MYO5A: variants seen among roughly 807,000 people sequenced by gnomAD.
The protein encoded by MYO5A is unconventional myosin-Va.
MYO5A carries 98 observed loss-of-function variants against 249.7 expected under a neutral mutation model. The observed-to-expected ratio is 0.39, with a 90% confidence interval of 0.33 to 0.46. MYO5A has a LOEUF of 0.46. MYO5A is among the 20% of genes least tolerant of loss of function. The pLI, the probability that MYO5A is intolerant of heterozygous loss-of-function variation, is 0.98. For missense variants in MYO5A, 1,696 were observed against 2,308.8 expected (o/e 0.73, Z 5.44); for synonymous variants, 778 against 810.6 (o/e 0.96, Z 0.68).
chr15:52,388,579 C>T (rs975785684), intron 13 of MYO5A, among the ~76,000 whole-genome samples: 1 of 152,152 alleles, frequency 6.6e-6, no homozygotes, highest in African/African-American at 2.4e-5. Context: ...AAAGGAGACC[C>T]TGTGAAACTT....
chr15:52,464,053 C>T (rs968839248), intron 1 of MYO5A, among the ~76,000 whole-genome samples: 1 of 152,230 alleles, frequency 6.6e-6, no homozygotes, highest in Admixed American at 6.5e-5. Context: ...AATTACCCAA[C>T]TTTCTTCCTC....
chr15:52,336,643 A>G, intron 33 of MYO5A, 87 bp from the exon 34 acceptor site: 1 of 1,024,682 alleles, frequency 9.8e-7, no homozygotes, highest in Non-Finnish European at 1.5e-6. Flanking sequence ...ATATCACAGA[A>G]ACAACACGTT....
intron 4 of MYO5A, among the ~76,000 whole-genome samples, chr15:52,422,737 G>C (rs536679892): frequency 1.3e-5 from 2 of 152,046 alleles, no homozygotes; most frequent in Admixed American, 6.6e-5. Flanking sequence ...TGTTTTTGTA[G>C]ATAGGGTCTT....
At chr15:52,480,289 C>T (rs2076688885) in intron 1 of MYO5A, among the ~76,000 whole-genome samples, 1 of 152,182 alleles carries the variant, frequency 6.6e-6, no homozygotes, top group African/African-American at 2.4e-5. Flanking sequence ...TTAACTACAC[C>T]ATCTACAATT....
intron 1 of MYO5A, among the ~76,000 whole-genome samples, chr15:52,463,687 C>T (rs1204719801): frequency 6.6e-6 from 1 of 152,158 alleles, no homozygotes; most frequent in Non-Finnish European, 1.5e-5. Context: ...GTATCAAAAG[C>T]ACTTCCTTTT....
At chr15:52,407,250 A>G in intron 8 of MYO5A, 42 bp downstream of exon 8, 1 of 1,441,752 alleles carries the variant, frequency 6.9e-7, no homozygotes, top group Non-Finnish European at 9.8e-7. Context: ...CTTGAGTAAA[A>G]AAGCTATTCC....
intron 1 of MYO5A, among the ~76,000 whole-genome samples, chr15:52,521,559 A>G (rs955077477): frequency 3.3e-5 from 5 of 152,206 alleles, no homozygotes; most frequent in Admixed American, 6.5e-5. Flanking sequence ...AGGTAGATAC[A>G]TGGTCCTCAT....
intron 21 of MYO5A, among the ~76,000 whole-genome samples, chr15:52,371,244 G>A (rs2041097318): frequency 6.6e-6 from 1 of 151,812 alleles, no homozygotes; most frequent in Admixed American, 6.6e-5. Flanking sequence ...TCTGATCCCT[G>A]TTTTGCTTTG....
chr15:52,336,368 A>C, intron 34 of MYO5A, 95 bp downstream of exon 34: 1 of 784,352 alleles, frequency 1.3e-6, no homozygotes, highest in Non-Finnish European at 2.2e-6. Context: ...TAATATTTGC[A>C]TGCAAACCTC....
intron 1 of MYO5A, among the ~76,000 whole-genome samples, chr15:52,509,472 G>T (rs1045655957): frequency 3.3e-5 from 5 of 152,166 alleles, no homozygotes; most frequent in Non-Finnish European, 7.3e-5. Flanking sequence ...ATGACAGCAT[G>T]ATCAGCTGAC....
chr15:52,516,543 C>G (rs1226732984), intron 1 of MYO5A, among the ~76,000 whole-genome samples: 1 of 152,242 alleles, frequency 6.6e-6, no homozygotes, highest in Non-Finnish European at 1.5e-5. Context: ...TTGCCCAGGT[C>G]TGTGGCTACT....
chr15:52,357,623 G>A (rs775020921), intron 25 of MYO5A, among the ~76,000 whole-genome samples: 2 of 152,102 alleles, frequency 1.3e-5, no homozygotes, highest in Admixed American at 1.3e-4. Context: ...AAAATGACTC[G>A]AGGCATAAAG....
At chr15:52,407,741 AT>A (rs987353148) in intron 7 of MYO5A, among the ~76,000 whole-genome samples, 30 of 150,020 alleles carry the variant, frequency 2.0e-4, no homozygotes, top group African/African-American at 5.9e-4. Flanking sequence ...AACTCCTTTA[AT>A]TTTTTTTTTC....
In MYO5A at chr15:52,313,759, G is replaced by A; in HGVS notation, c.5580C>T (p.Ser1860=). 6.2e-7 allele frequency: 1 copy of A among 1,614,126 alleles called. No homozygotes were observed. Among genetic ancestry groups the A allele is most frequent in the Non-Finnish European group, 8.5e-7 (1 of 1,180,030 alleles). ...FPVTFPFNPS[S]LALETIQIPA... ...GAATCTGGATGGTTTCTAGTGCGAG[G>A]GAAGATGGGTTGAAAGGAAAGGTGA... The change falls in exon 42 of 42, where the codon TCC becomes TCT. Residue 1860 remains serine, a synonymous_variant. Coordinates refer to ENST00000399233, the MANE Select transcript of MYO5A (RefSeq NM_001382347.1).
chr15:52,519,105 A>C (rs1452074708), intron 1 of MYO5A, among the ~76,000 whole-genome samples: 1 of 152,218 alleles, frequency 6.6e-6, no homozygotes, highest in Non-Finnish European at 1.5e-5. Context: ...ACTAGACATG[A>C]ACAAGGAATG....
rs1438695852 is a variant in MYO5A at position 52,360,193 on chromosome 15, T to C, written c.3310-112A>G. ...ATCCCTACTTCCTGACTTGTATTGG[T>C]GCCCAAGTGATTTGTTCCATATTGT... On this transcript the variant is annotated intron_variant, in intron 24 of 41. Coordinates refer to ENST00000399233, the MANE Select transcript of MYO5A (RefSeq NM_001382347.1). 4.0e-6 allele frequency: 3 copies of C among 744,964 alleles called. No homozygotes were observed. The Admixed American group carries it at 6.0e-5, about 15-fold the overall frequency. 46.1% of individuals were successfully genotyped at this position (744,964 alleles called of 1,614,324 possible). A position where few individuals can be genotyped will look rare whatever the true frequency, so the allele number is the denominator to read the frequency against.
intron 5 of MYO5A, among the ~76,000 whole-genome samples, chr15:52,415,568 C>T (rs183038870): frequency 1.6e-3 from 233 of 144,790 alleles, no homozygotes; most frequent in African/African-American, 5.5e-3. Flanking sequence ...CTTGACAGAA[C>T]AACAACAACA....
intron 1 of MYO5A, among the ~76,000 whole-genome samples, chr15:52,460,960 T>C (rs1404497646): frequency 6.6e-6 from 1 of 152,194 alleles, no homozygotes; most frequent in Non-Finnish European, 1.5e-5. Flanking sequence ...TATGTATTTT[T>C]GTTTGTTTTT....
intron 31 of MYO5A, 138 bp from the exon 32 acceptor site, chr15:52,340,532 A>G: frequency 1.3e-6 from 1 of 744,282 alleles, no homozygotes; most frequent in East Asian, 2.7e-5. Context: ...TGACTTGATT[A>G]AAGTCAAGAA....
Sources: gnomAD v4.1 joint callset for allele counts (sites outside exome capture counted in the v4.1 genomes callset) on GRCh38, gnomAD v4.1.1 for gene constraint, MANE v1.5 for transcripts, NCBI Gene and HGNC (gene_info 2026-07-23, HGNC 2026-07-21) for gene names.